CHRM3: variants seen among roughly 807,000 people sequenced by gnomAD.
The protein encoded by CHRM3 is muscarinic acetylcholine receptor M3.
A neutral mutation model predicts 41.8 loss-of-function variants in CHRM3; 11 were observed. The ratio of observed to expected loss-of-function variants is 0.26; its 90% confidence interval spans 0.17 to 0.44. The LOEUF (loss-of-function observed/expected upper bound fraction) is 0.44. Ranked by LOEUF, CHRM3 falls within the 20% of genes least tolerant of loss-of-function variation. The probability of loss-of-function intolerance (pLI) is 1.00; values close to 1 mark genes in which losing one functional copy is unlikely to be tolerated. For missense variants in CHRM3, 571 were observed against 745.4 expected (o/e 0.77, Z 2.72); for synonymous variants, 297 against 301.4 (o/e 0.99, Z 0.15).
At chr1:239,577,187 C>T (rs1263754323) in intron 3 of CHRM3, among the ~76,000 whole-genome samples, 1 of 152,084 alleles carries the variant, frequency 6.6e-6, no homozygotes, top group Non-Finnish European at 1.5e-5. Context: ...TATTTTCTTT[C>T]TCTTCCCCAT....
intron 3 of CHRM3, among the ~76,000 whole-genome samples, chr1:239,567,833 C>T (rs1661491597): frequency 1.3e-5 from 2 of 152,236 alleles, no homozygotes; most frequent in Non-Finnish European, 1.5e-5. Flanking sequence ...TTTGTAGTAA[C>T]ATAGAGACTG....
rs201386253 is a variant in CHRM3 at position 239,907,612 on chromosome 1, G to T, written c.161G>T (p.Gly54Val). 2.6e-5 allele frequency: 42 copies of T among 1,614,008 alleles called. 1 individual carries two copies. Among genetic ancestry groups the T allele is most frequent in the South Asian group, 1.1e-4 (10 of 91,086 alleles). ...GCTGGCAATTTCTCCTCTCCAGACG[G>T]TACCACCGATGACCCTCTGGGAGGT... is the stretch of plus-strand genomic sequence containing the variant. ...RAAGNFSSPDGTTDDPLGGHT... is the reference protein window; with the variant it reads ...RAAGNFSSPDVTTDDPLGGHT... The change falls in exon 7 of 7, where the codon GGT becomes GTT. Residue 54 changes from glycine (G) to valine (V), a missense_variant. Physicochemically the swap from Gly to Val is moderately radical, Grantham distance 109. This residue lies in a region of CHRM3 where 92 missense variants were observed against 76.1 expected (regional missense o/e 1.21). Coordinates refer to ENST00000676153, the MANE Select transcript of CHRM3 (RefSeq NM_001375978.1). This position sits in a 1 kb window ranked among gnomAD's most constrained non-coding sequence, Gnocchi z 5.4.
At chr1:239,394,001 C>T (rs960018717) in intron 1 of CHRM3, among the ~76,000 whole-genome samples, 3 of 152,130 alleles carry the variant, frequency 2.0e-5, no homozygotes, top group Non-Finnish European at 4.4e-5. Flanking sequence ...TCCATTATCA[C>T]ATCTTTCATA....
At chr1:239,565,351 T>G (rs1035192365) in intron 3 of CHRM3, among the ~76,000 whole-genome samples, 1 of 152,156 alleles carries the variant, frequency 6.6e-6, no homozygotes, top group Non-Finnish European at 1.5e-5. Context: ...TACTGCAGTA[T>G]GAGGACTATA....
chr1:239,579,679 G>C (rs1662687066), intron 3 of CHRM3, among the ~76,000 whole-genome samples: 1 of 152,020 alleles, frequency 6.6e-6, no homozygotes, highest in Non-Finnish European at 1.5e-5. Context: ...AATAATTGTT[G>C]TGCACCTCAA....
intron 6 of CHRM3, among the ~76,000 whole-genome samples, chr1:239,836,138 T>C (rs1673297781): frequency 6.6e-6 from 1 of 152,242 alleles, no homozygotes; most frequent in African/African-American, 2.4e-5. Context: ...CTGACAAAGA[T>C]TAGTGACCAG....
chr1:239,515,932 A>G (rs1669235363), intron 2 of CHRM3, among the ~76,000 whole-genome samples: 2 of 152,224 alleles, frequency 1.3e-5, no homozygotes, highest in Non-Finnish European at 1.5e-5. Flanking sequence ...GACTCTGCTG[A>G]CTTCTGGCTT....
chr1:239,548,799 G>T (rs1320266565), intron 3 of CHRM3, among the ~76,000 whole-genome samples: 1 of 152,196 alleles, frequency 6.6e-6, no homozygotes, highest in Non-Finnish European at 1.5e-5. Flanking sequence ...CTTCAATGCA[G>T]CCAAGATGCA....
chr1:239,507,716 C>T (rs1488316611), intron 2 of CHRM3, among the ~76,000 whole-genome samples: 1 of 152,122 alleles, frequency 6.6e-6, no homozygotes, highest in Non-Finnish European at 1.5e-5. Flanking sequence ...ATTTAGGAAA[C>T]TGGTCTCATT....
In CHRM3 at chr1:239,391,428, C is replaced by CTCAGT. The variant is rs569228597; in HGVS notation, c.-521+4203_-521+4207dup. ...GCGCCAGTATGTAGTGGCCCTCTGG[C>CTCAGT]TCAGTTTTTGGCCTCTGTGTGTTGT... On this transcript the variant is annotated intron_variant, in intron 1 of 6. Transcript: ENST00000676153. Among the ~76,000 whole-genome samples, 56 of 152,284 alleles carry CTCAGT rather than the reference C, an allele frequency of 3.7e-4. No individual in the cohort carries two copies. In the South Asian group the frequency reaches 0.011, roughly 31 times the overall value.
intron 2 of CHRM3, among the ~76,000 whole-genome samples, chr1:239,542,214 A>T (rs950372748): frequency 6.6e-6 from 1 of 152,184 alleles, no homozygotes; most frequent in African/African-American, 2.4e-5. Context: ...TATTATATAC[A>T]TTATGTTCAA....
intron 5 of CHRM3, among the ~76,000 whole-genome samples, chr1:239,755,306 A>G (rs114628546): frequency 0.014 from 2,175 of 152,306 alleles, 51 homozygotes; most frequent in African/African-American, 0.049. Context: ...ATTGAGTTTC[A>G]TTTAAATAAC....
At chr1:239,800,414 T>C (rs1217717351) in intron 5 of CHRM3, among the ~76,000 whole-genome samples, 1 of 152,240 alleles carries the variant, frequency 6.6e-6, no homozygotes, top group Non-Finnish European at 1.5e-5. Flanking sequence ...TCCCATTAGC[T>C]GCTCAGTTAA....
At chr1:239,545,844 T>A (rs1311903659) in intron 3 of CHRM3, 95 bp downstream of exon 3, 1 of 152,172 alleles carries the variant, frequency 6.6e-6, no homozygotes, top group Non-Finnish European at 1.5e-5. Context: ...GTAAAACACA[T>A]GTATTAGTGT....
intron 1 of CHRM3, among the ~76,000 whole-genome samples, chr1:239,409,051 G>GT (rs1660868507): frequency 6.6e-6 from 1 of 152,120 alleles, no homozygotes; most frequent in Non-Finnish European, 1.5e-5. Flanking sequence ...TATTCTGTCA[G>GT]ATTTTTCACA....
At position 239,901,652 on chromosome 1, in the gene CHRM3, A is replaced by C. The variant is rs538572809; in HGVS notation, c.-19-5781A>C. Among the ~76,000 whole-genome samples, 6 of 152,296 alleles carry C rather than the reference A, an allele frequency of 3.9e-5. No homozygotes were observed. In the South Asian group the frequency reaches 1.2e-3, roughly 32 times the overall value. ...ACTTGCCTTTCTTACTTAACAAAGT[A>C]TTTTTAGATGGTTCTAAGTTAATAT... On this transcript the variant is annotated intron_variant, in intron 6 of 6. Coordinates refer to ENST00000676153, the MANE Select transcript of CHRM3 (RefSeq NM_001375978.1).
chr1:239,472,440 C>T (rs1158360651), intron 1 of CHRM3, among the ~76,000 whole-genome samples: 1 of 152,128 alleles, frequency 6.6e-6, no homozygotes, highest in Non-Finnish European at 1.5e-5. Context: ...AGTGATGTGC[C>T]ATGTTCATTG....
chr1:239,795,949 G>A (rs192281099), intron 5 of CHRM3, among the ~76,000 whole-genome samples: 1 of 152,280 alleles, frequency 6.6e-6, no homozygotes, highest in African/African-American at 2.4e-5. Context: ...ACTTTATGCT[G>A]ATATTTTTAT....
chr1:239,745,269 TA>T (rs1665244354), intron 5 of CHRM3, among the ~76,000 whole-genome samples: 1 of 152,076 alleles, frequency 6.6e-6, no homozygotes, highest in East Asian at 1.9e-4. Context: ...TTGAAGAAGA[TA>T]AAAAACTTAA....
Sources: gnomAD v4.1 joint callset for allele counts (sites outside exome capture counted in the v4.1 genomes callset) on GRCh38, gnomAD v4.1.1 for gene constraint, gnomAD v4.1.1 regional missense constraint, Gnocchi (gnomAD v3.1) non-coding constraint, MANE v1.5 for transcripts, NCBI Gene and HGNC (gene_info 2026-07-23, HGNC 2026-07-21) for gene names.